The following CADPS2 variants were observed in gnomAD, a reference collection of about 807,000 sequenced individuals.
CADPS2 encodes the protein calcium dependent secretion activator 2.
A neutral mutation model predicts 172.5 loss-of-function variants in CADPS2; 93 were observed. That is an observed-to-expected ratio of 0.54 (90% CI 0.46 to 0.64). The LOEUF (loss-of-function observed/expected upper bound fraction) is 0.64. CADPS2 is among the 30% of genes least tolerant of loss of function. The probability of loss-of-function intolerance (pLI) is 0.00; values close to 1 mark genes in which losing one functional copy is unlikely to be tolerated. For synonymous variants in CADPS2, 546 were observed against 555.2 expected (o/e 0.98, Z 0.23); for missense variants, 1,420 against 1,565.9 (o/e 0.91, Z 1.57).
chr7:122,330,282 GGA>G (rs2150798739), intron 28 of CADPS2, among the ~76,000 whole-genome samples: 1 of 152,216 alleles, frequency 6.6e-6, no homozygotes, highest in South Asian at 2.1e-4. Flanking sequence ...TGTTAAATGA[GGA>G]AGGCTTGGAT....
chr7:122,652,130 C>T (rs1193187968), intron 3 of CADPS2, among the ~76,000 whole-genome samples: 1 of 152,198 alleles, frequency 6.6e-6, no homozygotes. Flanking sequence ...AGATTAACCA[C>T]ACCACTATAG....
intron 27 of CADPS2, among the ~76,000 whole-genome samples, chr7:122,353,481 C>T (rs1235165801): frequency 6.6e-6 from 1 of 152,030 alleles, no homozygotes; most frequent in African/African-American, 2.4e-5. Context: ...TTGTTTTGGT[C>T]TTTTCTTGGC....
intron 8 of CADPS2, among the ~76,000 whole-genome samples, chr7:122,521,120 G>C (rs2060752436): frequency 6.6e-6 from 1 of 152,114 alleles, no homozygotes; most frequent in African/African-American, 2.4e-5. Context: ...TCCTGGAAAG[G>C]GCTTTCATAA....
At chr7:122,407,719 A>G in intron 19 of CADPS2, 23 bp from the exon 20 acceptor site, 1 of 1,587,760 alleles carries the variant, frequency 6.3e-7, no homozygotes, top group Non-Finnish European at 8.6e-7. Context: ...AAAAACATAA[A>G]GGAGAAAAGT....
At chr7:122,795,803 A>G (rs1589249190) in intron 1 of CADPS2, among the ~76,000 whole-genome samples, 2 of 152,268 alleles carry the variant, frequency 1.3e-5, no homozygotes, top group Admixed American at 1.3e-4. Flanking sequence ...CCAGCAAAAG[A>G]CAAGGATGCC....
At chr7:122,830,636 G>A (rs1450015015) in intron 1 of CADPS2, among the ~76,000 whole-genome samples, 3 of 152,148 alleles carry the variant, frequency 2.0e-5, no homozygotes, top group Admixed American at 1.3e-4. Flanking sequence ...TCAATGCTGA[G>A]GCGTCTTCAA....
At chr7:122,599,908 T>A (rs1264722049) in intron 6 of CADPS2, among the ~76,000 whole-genome samples, 1 of 152,044 alleles carries the variant, frequency 6.6e-6, no homozygotes, top group African/African-American at 2.4e-5. Flanking sequence ...CTGTTTCCTA[T>A]CTAATTAAAG....
intron 7 of CADPS2, among the ~76,000 whole-genome samples, chr7:122,569,415 G>C (rs1477140232): frequency 6.6e-6 from 1 of 151,792 alleles, no homozygotes; most frequent in Non-Finnish European, 1.5e-5. Flanking sequence ...TTCCATGCTC[G>C]TGGATAGGAA....
chr7:122,621,115 T>G lies in CADPS2; in HGVS notation c.1104+366A>C, dbSNP rs201706404. ...CAGGGTCTCACTATGTTGCCTAGGCTGGTCTTAAACTTCTTGGCTTAAGTG... is the reference window on the plus strand; with the variant it reads ...CAGGGTCTCACTATGTTGCCTAGGCGGGTCTTAAACTTCTTGGCTTAAGTG... On this transcript the variant is annotated intron_variant, in intron 5 of 29. Coordinates refer to ENST00000449022, the MANE Select transcript of CADPS2 (RefSeq NM_017954.11). Among the ~76,000 whole-genome samples the G allele has an allele frequency of 2.5e-4, 38 of 152,146 alleles. No individual in the cohort carries two copies. In the East Asian group the frequency reaches 7.2e-3, roughly 29 times the overall value.
chr7:122,817,305 T>C (rs752221340), intron 1 of CADPS2, among the ~76,000 whole-genome samples: 19 of 152,102 alleles, frequency 1.2e-4, no homozygotes, highest in Non-Finnish European at 1.9e-4. Flanking sequence ...CCAAGGAACA[T>C]CTCACCAATT....
At chr7:122,672,194 T>C (rs545542001) in intron 2 of CADPS2, among the ~76,000 whole-genome samples, 30 of 152,360 alleles carry the variant, frequency 2.0e-4, no homozygotes, top group African/African-American at 7.2e-4. Flanking sequence ...GGGTTTACTC[T>C]CACTAAATAT....
chr7:122,862,733 A>T (rs10249372), intron 1 of CADPS2, among the ~76,000 whole-genome samples: 30,496 of 150,238 alleles, frequency 0.2, 3,232 homozygotes, highest in Middle Eastern at 0.26. Flanking sequence ...TGTTTTTTTT[A>T]AAAAAAAAAG....
intron 1 of CADPS2, among the ~76,000 whole-genome samples, chr7:122,837,920 C>T (rs1483131974): frequency 6.6e-6 from 1 of 152,204 alleles, no homozygotes; most frequent in Non-Finnish European, 1.5e-5. Flanking sequence ...TCCTCCCTAA[C>T]TCATTTTATG....
At chr7:122,604,809 A>C (rs1027265612) in intron 6 of CADPS2, among the ~76,000 whole-genome samples, 1 of 152,126 alleles carries the variant, frequency 6.6e-6, no homozygotes, top group Non-Finnish European at 1.5e-5. Context: ...GTCACTCTTA[A>C]GTAAATACCA....
At chr7:122,636,873 C>T (rs1425600292) in intron 3 of CADPS2, among the ~76,000 whole-genome samples, 1 of 152,038 alleles carries the variant, frequency 6.6e-6, no homozygotes, top group African/African-American at 2.4e-5. Context: ...CTCTGTATTT[C>T]TTAAATTTGT....
chr7:122,419,478 A>G (rs1246886607), intron 17 of CADPS2, among the ~76,000 whole-genome samples: 2 of 152,150 alleles, frequency 1.3e-5, no homozygotes, highest in Admixed American at 1.3e-4. Context: ...TAATTTCTCC[A>G]TTTTTAGATG....
intron 1 of CADPS2, among the ~76,000 whole-genome samples, chr7:122,881,598 C>T (rs1376361861): frequency 6.6e-6 from 1 of 152,058 alleles, no homozygotes. Flanking sequence ...CAAAGGAGCA[C>T]AAAAAAATGA....
At chr7:122,551,715 A>T (rs770105969) in intron 8 of CADPS2, among the ~76,000 whole-genome samples, 1 of 152,152 alleles carries the variant, frequency 6.6e-6, no homozygotes, top group Non-Finnish European at 1.5e-5. Context: ...AGATAAATTA[A>T]TATTTTTAAA....
intron 2 of CADPS2, chr7:122,698,157 A>C: frequency 6.2e-7 from 1 of 1,614,000 alleles, no homozygotes; most frequent in East Asian, 2.2e-5. Context: ...TTACGCAGCT[A>C]TCCCCATTTG....
Sources: allele counts gnomAD v4.1 joint callset (sites outside exome capture counted in the v4.1 genomes callset), GRCh38; gene constraint gnomAD v4.1.1; transcripts MANE v1.5; gene names NCBI Gene and HGNC (gene_info 2026-07-23, HGNC 2026-07-21).